NPNT: variants seen among roughly 807,000 people sequenced by gnomAD.
NPNT encodes the protein nephronectin.
A neutral mutation model predicts 68.6 loss-of-function variants in NPNT; 45 were observed. The observed-to-expected ratio is 0.66, with a 90% CI of 0.52 to 0.84. The LOEUF (loss-of-function observed/expected upper bound fraction) is 0.84. NPNT is among the 40% of genes least tolerant of loss of function. NPNT has a pLI of 0.00. For missense variants in NPNT, 672 were observed against 714.8 expected (o/e 0.94, Z 0.68); for synonymous variants, 233 against 253.3 (o/e 0.92, Z 0.76).
rs377744997 is a variant in NPNT at position 105,958,474 on chromosome 4, C to T, written c.1163C>T (p.Pro388Leu). The change falls in exon 9 of 12, where the codon CCA (proline) becomes CTA (leucine). Residue 388 changes from proline (P) to leucine (L), a missense_variant. Transcript: ENST00000379987. ...ACTCAAAACCTTTCTCTTGCAGTTC[C>T]ACGGCAACCTTCAAATGACTTGTTT... is the stretch of plus-strand genomic sequence containing the variant. The part of the protein sequence containing the change: ...PQKPRGDVFI[P>L]RQPSNDLFEI... 5 of 1,605,116 alleles carry T rather than the reference C, an allele frequency of 3.1e-6. No individual in the cohort carries two copies. The Middle Eastern group carries it at 5.0e-4, about 160-fold the overall frequency.
At chr4:105,903,886 G>C (rs1037491116) in intron 2 of NPNT, among the ~76,000 whole-genome samples, 2 of 150,530 alleles carry the variant, frequency 1.3e-5, no homozygotes, top group East Asian at 3.9e-4. Context: ...CTGGGCTCAA[G>C]CCATCCTCCC....
chr4:105,923,942 C>T (rs1038772582), intron 2 of NPNT, among the ~76,000 whole-genome samples: 3 of 152,046 alleles, frequency 2.0e-5, no homozygotes, highest in African/African-American at 7.2e-5. Flanking sequence ...TGATCTGTGT[C>T]AGCCTTTCTT....
intron 2 of NPNT, chr4:105,912,113 T>C: frequency 2.9e-6 from 3 of 1,025,578 alleles, no homozygotes; most frequent in Non-Finnish European, 4.4e-6. Context: ...ATGTAACAAG[T>C]TGATAAATAC....
At chr4:105,938,826 G>A (rs902790716) in intron 5 of NPNT, among the ~76,000 whole-genome samples, 10 of 152,162 alleles carry the variant, frequency 6.6e-5, no homozygotes, top group African/African-American at 2.2e-4. Context: ...AGGCAGTGTA[G>A]GATTGAGAGT....
At chr4:105,907,522 G>A (rs995545625) in intron 2 of NPNT, among the ~76,000 whole-genome samples, 1 of 151,982 alleles carries the variant, frequency 6.6e-6, no homozygotes, top group South Asian at 2.1e-4. Flanking sequence ...CCAGGGCCGA[G>A]GTTTTCTGTC....
In NPNT at chr4:105,942,683, A is replaced by T. The variant is rs1730081463; in HGVS notation, c.1140A>T (p.Lys380Asn). The T allele has an allele frequency of 6.2e-7, 1 of 1,610,680 alleles. No individual in the cohort carries two copies. Among genetic ancestry groups the T allele is most frequent in the South Asian group, 1.1e-5 (1 of 90,618 alleles). Residue 380 changes from lysine (K) to asparagine (N), a missense_variant, in exon 8 of 12, where the codon AAA becomes AAT. Lys to Asn is a moderately conservative substitution (Grantham distance 94). Transcript: ENST00000379987. ...ACAGGGTACAGACAGACCCTCAGAA[A>T]CCCAGAGGAGATGTGTTCAGTAAGT... ...VDNRVQTDPQ[K>N]PRGDVFIPRQ... is the part of the protein sequence containing the mutation.
intron 5 of NPNT, 26 bp downstream of exon 5, chr4:105,938,446 G>A: frequency 6.2e-7 from 1 of 1,609,824 alleles, no homozygotes; most frequent in Non-Finnish European, 8.5e-7. Context: ...AAGCATCTCT[G>A]TCAGCAGCCT....
rs924571716 is a variant in NPNT, at chr4:105,958,518, A to G, written c.1207A>G (p.Arg403Gly). The G allele has an allele frequency of 1.2e-6, 2 of 1,611,534 alleles. No individual in the cohort carries two copies. Among genetic ancestry groups the G allele is most frequent in the Non-Finnish European group, 1.7e-6 (2 of 1,178,206 alleles). Reference protein sequence around the residue: ...NDLFEIFEIERGVSADDEAKD... With the variant: ...NDLFEIFEIEGGVSADDEAKD... ...CTTGTTTGAAATATTTGAAATAGAAAGAGGAGTCAGTGCAGACGATGAAGC... is the reference window on the plus strand; with the variant it reads ...CTTGTTTGAAATATTTGAAATAGAAGGAGGAGTCAGTGCAGACGATGAAGC... Residue 403 changes from arginine to glycine, a missense_variant, in exon 9 of 12, where the codon AGA (arginine) becomes GGA (glycine). Coordinates refer to ENST00000379987, the MANE Select transcript of NPNT (RefSeq NM_001033047.3).
intron 3 of NPNT, among the ~76,000 whole-genome samples, chr4:105,936,213 T>C (rs1397226624): frequency 3.9e-5 from 6 of 152,220 alleles, no homozygotes; most frequent in Admixed American, 3.9e-4. Context: ...TTACATTTTG[T>C]CCATTAGTGT....
intron 9 of NPNT, 185 bp from the exon 10 acceptor site, chr4:105,958,843 T>C (rs1288762771): frequency 3.5e-6 from 2 of 570,200 alleles, no homozygotes; most frequent in East Asian, 5.6e-5. Context: ...GTTCTATTTT[T>C]ACAGATGATG....
intron 2 of NPNT, among the ~76,000 whole-genome samples, chr4:105,901,954 A>C (rs1726457313): frequency 6.6e-6 from 1 of 152,158 alleles, no homozygotes; most frequent in Admixed American, 6.5e-5. Flanking sequence ...TTATTGAATT[A>C]TTTCTTTCTG....
chr4:105,927,420 G>A lies in NPNT; in HGVS notation c.257G>A (p.Cys86Tyr). Reference protein sequence around the residue: ...KCHPGYAGKTCNQDLNECGLK... With the variant: ...KCHPGYAGKTYNQDLNECGLK... ...CATCCTGGTTATGCTGGAAAAACCTGTAATCAAGGTAGGAAAACAGTCTGA... is the reference window on the plus strand; with the variant it reads ...CATCCTGGTTATGCTGGAAAAACCTATAATCAAGGTAGGAAAACAGTCTGA... The change falls in exon 3 of 12, where the codon TGT (cysteine) becomes TAT (tyrosine). Residue 86 changes from cysteine (C) to tyrosine (Y), a missense_variant. Cys to Tyr is a radical substitution (Grantham distance 194). Transcript: ENST00000379987. The A allele has an allele frequency of 6.2e-7, 1 of 1,601,102 alleles. No homozygotes were observed. Among genetic ancestry groups the A allele is most frequent in the Non-Finnish European group, 8.6e-7 (1 of 1,168,886 alleles).
At chr4:105,911,726 G>T (rs1250953900) in intron 2 of NPNT, 1 of 172,668 alleles carries the variant, frequency 5.8e-6, no homozygotes, top group African/African-American at 2.4e-5. Flanking sequence ...CAGTATGTAA[G>T]AAACAGGTAA....
intron 8 of NPNT, among the ~76,000 whole-genome samples, chr4:105,954,608 C>T (rs11930350): frequency 0.88 from 134,533 of 152,136 alleles, 59,847 homozygotes; most frequent in East Asian, 1. Flanking sequence ...CACACTCTGC[C>T]TCTATCTCCA....
chr4:105,934,869 G>A (rs1031889639), intron 3 of NPNT, among the ~76,000 whole-genome samples: 12 of 152,000 alleles, frequency 7.9e-5, no homozygotes, highest in Admixed American at 2.0e-4. Context: ...GATAAATTTC[G>A]GTCGAAGCCA....
chr4:105,948,408 C>T (rs950565382), intron 8 of NPNT, among the ~76,000 whole-genome samples: 1 of 152,130 alleles, frequency 6.6e-6, no homozygotes, highest in Non-Finnish European at 1.5e-5. Context: ...GGAAGAGTTA[C>T]TGTGCTTTCC....
At chr4:105,935,126 T>C (rs960420826) in intron 3 of NPNT, among the ~76,000 whole-genome samples, 1 of 152,218 alleles carries the variant, frequency 6.6e-6, no homozygotes. Context: ...GTTTCTGTTA[T>C]GCTTTGAAAA....
chr4:105,963,448 A>G (rs1265564728), intron 10 of NPNT, among the ~76,000 whole-genome samples: 2 of 152,220 alleles, frequency 1.3e-5, no homozygotes, highest in Non-Finnish European at 2.9e-5. Context: ...CTTAAGAAAT[A>G]GCTGCAAAAT....
chr4:105,900,569 C>T lies in NPNT; in HGVS notation c.172+2568C>T, dbSNP rs114129146. ...AGAAACCGACTAATGTTGCAGGATG[C>T]TAAAGCTGGTAGACCTCTCCTTCTG... On this transcript the variant is annotated intron_variant, in intron 2 of 11. Coordinates refer to ENST00000379987, the MANE Select transcript of NPNT (RefSeq NM_001033047.3). Among the ~76,000 whole-genome samples, 1,170 of 152,314 alleles carry T rather than the reference C, an allele frequency of 7.7e-3. 12 individuals carry two copies. The highest frequency in any genetic ancestry group is 0.024 in the African/African-American group (998 of 41,572).
Sources: allele counts gnomAD v4.1 joint callset (sites outside exome capture counted in the v4.1 genomes callset), GRCh38; gene constraint gnomAD v4.1.1; transcripts MANE v1.5; gene names NCBI Gene and HGNC (gene_info 2026-07-23, HGNC 2026-07-21).